Variants in NRG1 observed in about 807,000 individuals in gnomAD.
The protein encoded by NRG1 is pro-neuregulin-1, membrane-bound isoform.
A neutral mutation model predicts 63.8 loss-of-function variants in NRG1; 18 were observed. The ratio of observed to expected loss-of-function variants is 0.28; its 90% confidence interval spans 0.19 to 0.42. The LOEUF is 0.42. NRG1 is among the 10% of genes least tolerant of loss of function. NRG1 has a pLI of 1.00. For synonymous variants in NRG1, 302 were observed against 301.3 expected (o/e 1.00, Z -0.02); for missense variants, 762 against 814.7 (o/e 0.94, Z 0.79).
At chr8:31,902,644 AT>A (rs1832180495) in intron 1 of NRG1, among the ~76,000 whole-genome samples, 1 of 152,130 alleles carries the variant, frequency 6.6e-6, no homozygotes, top group African/African-American at 2.4e-5. Flanking sequence ...ATAAAAATAT[AT>A]TTCTTAAGTA....
chr8:32,585,239 A>G (rs1841388360), intron 1 of NRG1, among the ~76,000 whole-genome samples: 1 of 152,246 alleles, frequency 6.6e-6, no homozygotes, highest in African/African-American at 2.4e-5. Flanking sequence ...GGAAAAAATC[A>G]TATTTATAAG....
chr8:31,813,628 T>A (rs113061673), intron 1 of NRG1, among the ~76,000 whole-genome samples: 4,929 of 150,392 alleles, frequency 0.033, 303 homozygotes, highest in African/African-American at 0.11. Flanking sequence ...ATCAAGTGAC[T>A]CCCCTGCCTC....
At chr8:32,596,089 T>G in intron 2 of NRG1, 84 bp downstream of exon 2, 2 of 1,078,818 alleles carry the variant, frequency 1.9e-6, no homozygotes, top group South Asian at 2.2e-5. Context: ...ATAAGTGAAT[T>G]TACTATCAGA....
chr8:32,355,033 T>C (rs2129480170), intron 1 of NRG1, among the ~76,000 whole-genome samples: 1 of 152,168 alleles, frequency 6.6e-6, no homozygotes, highest in East Asian at 1.9e-4. Flanking sequence ...TACACAATTA[T>C]GTATCTGTTC....
chr8:31,920,884 G>GTAGATAGATAGATAGA (rs10532094), intron 1 of NRG1, among the ~76,000 whole-genome samples: 27 of 147,206 alleles, frequency 1.8e-4, no homozygotes, highest in African/African-American at 6.0e-4. Flanking sequence ...AGATAGATAG[G>GTAGATAGATAGATAGA]TAGATAGATA....
Position 31,845,956 on chromosome 8 carries a change from G to GT in NRG1, c.37+206533dup, listed in dbSNP as rs367857963. On this transcript the variant is annotated intron_variant, in intron 1 of 10. Transcript: ENST00000519301. ...TCAATCTTGGTTCTCATTCCAAAGA[G>GT]TTTTTTTTCCTGATATCTTAAAAAG... Among the ~76,000 whole-genome samples the GT allele has an allele frequency of 5.3e-5, 8 of 152,052 alleles. No homozygotes were observed. In the South Asian group the frequency reaches 6.2e-4, roughly 12 times the overall value.
chr8:32,708,921 G>A (rs373350800), intron 5 of NRG1, among the ~76,000 whole-genome samples: 2 of 152,118 alleles, frequency 1.3e-5, no homozygotes, highest in South Asian at 2.1e-4. Flanking sequence ...GAAAGCAACC[G>A]CATTAACTGC....
At chr8:32,151,485 T>A (rs936759950) in intron 1 of NRG1, among the ~76,000 whole-genome samples, 5 of 151,670 alleles carry the variant, frequency 3.3e-5, no homozygotes, top group African/African-American at 1.2e-4. Flanking sequence ...GGGATTGAGG[T>A]GAGGTGGGGT....
In NRG1 at chr8:32,540,075, TTTG is replaced by T. The variant is rs149306385; in HGVS notation, c.38-55732_38-55730del. 3.2e-3 allele frequency among the ~76,000 whole-genome samples: 485 copies of T among 152,032 alleles called. 4 individuals are homozygous for T. The highest frequency in any genetic ancestry group is 0.011 in the African/African-American group (453 of 41,470). On this transcript the variant is annotated intron_variant, in intron 1 of 10. Transcript: ENST00000519301. ...GTAAAGGAAGGGTCAAAAGAAAGGT[TTTG>T]TTGTTGTTGTTGTTGTTGTTATGGT...
At position 32,558,137 on chromosome 8, in the gene NRG1, G is replaced by A. The variant is rs375732535; in HGVS notation, c.100+9311G>A. The stretch of plus-strand genomic sequence containing the variant: ...GAATCAACAGAAGCTAAGGGAGAGC[G>A]TAGAGTATAGTCCCTGTGGCCTCTA... On this transcript the variant is annotated intron_variant, in intron 1 of 11. Coordinates refer to ENST00000356819, the Ensembl canonical transcript of NRG1. 1.8e-4 allele frequency among the ~76,000 whole-genome samples: 27 copies of A among 152,290 alleles called. 2 individuals are homozygous for A. Among genetic ancestry groups the A allele is most frequent in the African/African-American group, 2.6e-4 (11 of 41,568 alleles).
At chr8:32,133,003 C>A (rs150640864) in intron 1 of NRG1, among the ~76,000 whole-genome samples, 3 of 151,756 alleles carry the variant, frequency 2.0e-5, no homozygotes, top group Non-Finnish European at 2.9e-5. Context: ...ACTCCTCCCC[C>A]CTTTCCCCCC....
chr8:31,884,647 A>G (rs1419157335), intron 1 of NRG1, among the ~76,000 whole-genome samples: 1 of 152,160 alleles, frequency 6.6e-6, no homozygotes, highest in Non-Finnish European at 1.5e-5. Flanking sequence ...TCTGAAACAC[A>G]CAGCAAATGG....
At chr8:32,743,482 A>T (rs1361667732) in intron 7 of NRG1, among the ~76,000 whole-genome samples, 1 of 150,338 alleles carries the variant, frequency 6.7e-6, no homozygotes, top group Non-Finnish European at 1.5e-5. Context: ...TTATTTTGAG[A>T]TATAACAACT....
rs547994831 is a variant in NRG1, at chr8:32,608,499, C to T, written c.400+2816C>T. On this transcript the variant is annotated intron_variant, in intron 3 of 11. Coordinates refer to ENST00000356819, the Ensembl canonical transcript of NRG1. ...GATTACAGGTGTGAGCCGCTGCGCC[C>T]AGCCTTACTCTGTATCTGACTATAT... Among the ~76,000 whole-genome samples, 11 of 151,816 alleles carry T rather than the reference C, an allele frequency of 7.2e-5. No individual in the cohort carries two copies. In the East Asian group the frequency reaches 2.1e-3, roughly 29 times the overall value.
At chr8:31,780,851 T>C (rs1161012219) in intron 1 of NRG1, among the ~76,000 whole-genome samples, 1 of 152,198 alleles carries the variant, frequency 6.6e-6, no homozygotes, top group Non-Finnish European at 1.5e-5. Flanking sequence ...TATGCATCTT[T>C]GAATAAGGTC....
chr8:32,011,664 C>T (rs1392382635), intron 1 of NRG1, among the ~76,000 whole-genome samples: 4 of 152,028 alleles, frequency 2.6e-5, no homozygotes, highest in Non-Finnish European at 5.9e-5. Context: ...CTCCTGAGCA[C>T]CACTCTCCCT....
chr8:31,864,290 C>T (rs988121416), intron 1 of NRG1, among the ~76,000 whole-genome samples: 2 of 152,164 alleles, frequency 1.3e-5, no homozygotes, highest in Non-Finnish European at 2.9e-5. Flanking sequence ...TGGTCCTTCC[C>T]TCATAGAGCT....
At chr8:32,104,787 A>G (rs1831044642) in intron 1 of NRG1, among the ~76,000 whole-genome samples, 1 of 152,060 alleles carries the variant, frequency 6.6e-6, no homozygotes, top group African/African-American at 2.4e-5. Context: ...CCACCTCCAC[A>G]TCTTGTCCTA....
At chr8:32,525,049 C>T (rs1830690968) in intron 1 of NRG1, among the ~76,000 whole-genome samples, 1 of 152,204 alleles carries the variant, frequency 6.6e-6, no homozygotes, top group African/African-American at 2.4e-5. Flanking sequence ...CCGCTGAAAC[C>T]TTGAGCAAAG....
Sources: allele counts gnomAD v4.1 joint callset (sites outside exome capture counted in the v4.1 genomes callset), GRCh38; gene constraint gnomAD v4.1.1; transcripts MANE v1.5; gene names NCBI Gene and HGNC (gene_info 2026-07-23, HGNC 2026-07-21).